Variants in RBBP4 observed in about 807,000 individuals in gnomAD.
The protein encoded by RBBP4 is histone-binding protein RBBP4.
In RBBP4, 3 loss-of-function variants were observed where a neutral mutation model predicts 57.2. The observed-to-expected ratio is 0.05, with a 90% CI of 0.02 to 0.14. The LOEUF (loss-of-function observed/expected upper bound fraction) is 0.14, where lower values mean the gene tolerates loss of function less well. Ranked by LOEUF, RBBP4 falls within the 10% of genes least tolerant of loss-of-function variation. The pLI, the probability that RBBP4 is intolerant of heterozygous loss-of-function variation, is 1.00. For synonymous variants in RBBP4, 151 were observed against 171.5 expected, an observed-to-expected ratio of 0.88 and a Z score of 0.93; for missense variants, 107 against 520.6, an observed-to-expected ratio of 0.21 and a Z score of 7.73.
rs375805413 is a variant in RBBP4 at position 32,682,768 on chromosome 1, CAAAAA to C, written c.*3069_*3073del. On this transcript the variant is annotated 3_prime_UTR_variant, in exon 12 of 12. Coordinates refer to ENST00000373493, the MANE Select transcript of RBBP4 (RefSeq NM_005610.3). ...CCTGGGTGGCAGAGCGAGACTGTCT[CAAAAA>C]AAAAAGAAAGTTGTGAATTTGATGT... The C allele has an allele frequency of 6.9e-6, 1 of 145,764 alleles. No homozygotes were observed. Among genetic ancestry groups the C allele is most frequent in the South Asian group, 2.2e-4 (1 of 4,604 alleles). 9.0% of individuals were successfully genotyped at this position (145,764 alleles called of 1,614,324 possible).
At chr1:32,675,111 A>T (rs1351701877) in intron 11 of RBBP4, among the ~76,000 whole-genome samples, 1 of 150,452 alleles carries the variant, frequency 6.6e-6, no homozygotes, top group Non-Finnish European at 1.5e-5. Flanking sequence ...GCTCTCTGCA[A>T]CCTCCGCCTC....
chr1:32,654,572 T>A (rs1164597389), intron 2 of RBBP4, among the ~76,000 whole-genome samples: 1 of 152,236 alleles, frequency 6.6e-6, no homozygotes, highest in African/African-American at 2.4e-5. Context: ...AATGACTAGC[T>A]AGGTTTCGAA....
intron 3 of RBBP4, among the ~76,000 whole-genome samples, chr1:32,658,510 C>T (rs1003185888): frequency 1.3e-5 from 2 of 151,400 alleles, no homozygotes; most frequent in African/African-American, 2.4e-5. Flanking sequence ...TAGGCCATAA[C>T]CTAAGGGTTT....
chr1:32,667,184 G>T (rs945110936), intron 3 of RBBP4, among the ~76,000 whole-genome samples: 7 of 152,218 alleles, frequency 4.6e-5, no homozygotes, highest in Admixed American at 3.9e-4. Flanking sequence ...TCCTTGTGGT[G>T]CTGTGCTTCA....
At chr1:32,674,931 G>T (rs1458555507) in intron 11 of RBBP4, among the ~76,000 whole-genome samples, 1 of 151,718 alleles carries the variant, frequency 6.6e-6, no homozygotes. Flanking sequence ...TAGAGACGGG[G>T]TTTCACCATG....
chr1:32,684,002 A>G lies in RBBP4; in HGVS notation c.*4297A>G, dbSNP rs1442550220. The G allele has an allele frequency of 6.2e-7, 1 of 1,613,420 alleles. No individual in the cohort carries two copies. Among genetic ancestry groups the G allele is most frequent in the East Asian group, 2.2e-5 (1 of 44,890 alleles). ...TGCAAACACCACTCTTCTCTTCACA[A>G]AGATCACCTTGAGACTGTGTCTCCA... On this transcript the variant is annotated 3_prime_UTR_variant, in exon 12 of 12. Transcript: ENST00000373493.
intron 2 of RBBP4, among the ~76,000 whole-genome samples, chr1:32,657,162 G>A (rs1435747994): frequency 9.2e-5 from 14 of 152,132 alleles, no homozygotes; most frequent in Admixed American, 9.2e-4. Flanking sequence ...TGTAGTCCCA[G>A]CTACTCGGGA....
chr1:32,675,195 T>C (rs1022808087), intron 11 of RBBP4, among the ~76,000 whole-genome samples: 7 of 151,762 alleles, frequency 4.6e-5, no homozygotes, highest in African/African-American at 1.7e-4. Flanking sequence ...CACGCCTGGC[T>C]AAATTTTTGT....
At chr1:32,668,714 T>A in intron 4 of RBBP4, 25 bp from the exon 5 acceptor site, 2 of 1,585,066 alleles carry the variant, frequency 1.3e-6, no homozygotes. Flanking sequence ...GACTGGGTAG[T>A]CTTGATGTGT....
chr1:32,657,628 C>A, intron 3 of RBBP4, 56 bp downstream of exon 3: 1 of 1,542,038 alleles, frequency 6.5e-7, no homozygotes. Context: ...CTGTTATGTG[C>A]ACTTTGATAA....
In RBBP4 at chr1:32,685,975, CTCTGTT is replaced by C. The variant is rs1292775341; in HGVS notation, c.*6271_*6276del. On this transcript the variant is annotated 3_prime_UTR_variant, in exon 12 of 12. Coordinates refer to ENST00000373493, the MANE Select transcript of RBBP4 (RefSeq NM_005610.3). ...TTTGACCCCTACCTCCAACTTGAACCTCTGTTACTCTTCCGTATGAACATTTTCCTC... is the reference window on the plus strand; with the variant it reads ...TTTGACCCCTACCTCCAACTTGAACCACTCTTCCGTATGAACATTTTCCTC... 6.6e-6 allele frequency: 1 copy of C among 152,140 alleles called. No homozygotes were observed. The highest frequency in any genetic ancestry group is 1.5e-5 in the Non-Finnish European group (1 of 68,026). The allele number at this position is 152,140 out of a possible 1,614,324, so 9.4% of individuals were successfully genotyped here. A position where few individuals can be genotyped will look rare whatever the true frequency, so the allele number is the denominator to read the frequency against.
At position 32,669,632 on chromosome 1, in the gene RBBP4, T is replaced by A. The variant is rs1648787237; in HGVS notation, c.966+69T>A. 2 of 1,531,712 alleles carry A rather than the reference T, an allele frequency of 1.3e-6. No homozygotes were observed. Among genetic ancestry groups the A allele is most frequent in the South Asian group, 2.6e-5 (2 of 78,046 alleles). 94.9% of individuals were successfully genotyped at this position (1,531,712 alleles called of 1,614,324 possible). Reference sequence around the variant, plus strand: ...CCTGCTGGGCGCGGTCGCTCACGCCTGTAATCCCAGCACTTTGGGAGGCTG... The same window carrying A: ...CCTGCTGGGCGCGGTCGCTCACGCCAGTAATCCCAGCACTTTGGGAGGCTG... On this transcript the variant is annotated intron_variant, in intron 8 of 11. Transcript: ENST00000373493. This position sits in a 1 kb window ranked among gnomAD's most constrained non-coding sequence, Gnocchi z 4.9.
chr1:32,651,689 C>T, intron 1 of RBBP4: 3 of 751,606 alleles, frequency 4.0e-6, no homozygotes, highest in African/African-American at 1.8e-5. Context: ...GCTCCGAAGG[C>T]CTGGCTGGCC....
chr1:32,655,507 T>C (rs564617028), intron 2 of RBBP4, among the ~76,000 whole-genome samples: 4 of 152,314 alleles, frequency 2.6e-5, no homozygotes, highest in Middle Eastern at 3.4e-3. Flanking sequence ...CATATCTCTC[T>C]TCATTTCTTT....
Position 32,669,622 on chromosome 1 carries a change from C to A in RBBP4, c.966+59C>A. The A allele has an allele frequency of 3.2e-6, 5 of 1,552,500 alleles. No homozygotes were observed. The South Asian group carries it at 3.7e-5, about 11-fold the overall frequency. ...TTAAGAAAAACCTGCTGGGCGCGGT[C>A]GCTCACGCCTGTAATCCCAGCACTT... On this transcript the variant is annotated intron_variant, in intron 8 of 11. Coordinates refer to ENST00000373493, the MANE Select transcript of RBBP4 (RefSeq NM_005610.3). The surrounding 1 kb of genome is among the most constrained non-coding windows in gnomAD (Gnocchi z 4.9).
Position 32,668,723 on chromosome 1 carries a change from GTC to G in RBBP4, c.485-14_485-13del. On this transcript the variant is annotated splice_polypyrimidine_tract_variant and intron_variant, in intron 4 of 11. Coordinates refer to ENST00000373493, the MANE Select transcript of RBBP4 (RefSeq NM_005610.3). The stretch of plus-strand genomic sequence containing the variant: ...CCAGTGGACTGGGTAGTCTTGATGT[GTC>G]TGTCACTTTGCAGATCCTTCTGGAG... 6.2e-7 allele frequency: 1 copy of G among 1,602,222 alleles called. No individual in the cohort carries two copies. The highest frequency in any genetic ancestry group is 8.5e-7 in the Non-Finnish European group (1 of 1,170,924).
chr1:32,658,357 A>G (rs894697275), intron 3 of RBBP4, among the ~76,000 whole-genome samples: 5 of 34,680 alleles, frequency 1.4e-4, no homozygotes. Context: ...TAGAGGAGCA[A>G]TAGTAAAAAA....
chr1:32,661,486 G>C (rs1256210713), intron 3 of RBBP4, among the ~76,000 whole-genome samples: 1 of 151,748 alleles, frequency 6.6e-6, no homozygotes, highest in Non-Finnish European at 1.5e-5. Context: ...TAGAGATGGG[G>C]TTTCTCCATG....
chr1:32,663,157 G>A (rs1322743453), intron 3 of RBBP4, among the ~76,000 whole-genome samples: 1 of 152,014 alleles, frequency 6.6e-6, no homozygotes, highest in Non-Finnish European at 1.5e-5. Context: ...CCTTGTTTGA[G>A]GACATAGTAT....
Sources: allele counts gnomAD v4.1 joint callset (sites outside exome capture counted in the v4.1 genomes callset), GRCh38; gene constraint gnomAD v4.1.1; non-coding constraint Gnocchi (gnomAD v3.1); transcripts MANE v1.5; gene names NCBI Gene and HGNC (gene_info 2026-07-23, HGNC 2026-07-21).